The following TBC1D4 variants were observed in gnomAD, a reference collection of about 807,000 sequenced individuals.
TBC1D4 encodes the protein TBC (Tre-2, BUB2, CDC16) domain-containing protein.
In TBC1D4, 121 loss-of-function variants were observed where a neutral mutation model predicts 142.5. The observed-to-expected ratio is 0.85, with a 90% CI of 0.73 to 0.99. The LOEUF (loss-of-function observed/expected upper bound fraction) is 0.99, where lower values mean the gene tolerates loss of function less well. Among genes scored for constraint, TBC1D4 ranks in the 50% least tolerant of loss-of-function variants. The pLI, the probability that TBC1D4 is intolerant of heterozygous loss-of-function variation, is 0.00. For synonymous variants in TBC1D4, 630 were observed against 628.2 expected (o/e 1.00, Z -0.04); for missense variants, 1,475 against 1,606.6 (o/e 0.92, Z 1.40).
At chr13:75,298,017 T>C (rs537260449) in intron 17 of TBC1D4, among the ~76,000 whole-genome samples, 4 of 152,296 alleles carry the variant, frequency 2.6e-5, no homozygotes, top group Admixed American at 2.6e-4. Flanking sequence ...TATCATTTAC[T>C]ATAACGCTCA....
At chr13:75,480,314 T>C (rs1888784417) in intron 1 of TBC1D4, among the ~76,000 whole-genome samples, 1 of 152,224 alleles carries the variant, frequency 6.6e-6, no homozygotes, top group Admixed American at 6.5e-5. Context: ...CCTAAAGTAC[T>C]GTGCAAACAG....
chr13:75,437,839 G>C (rs1436336112), intron 1 of TBC1D4, among the ~76,000 whole-genome samples: 1 of 152,148 alleles, frequency 6.6e-6, no homozygotes, highest in Non-Finnish European at 1.5e-5. Context: ...TGTTCACTGT[G>C]AACTATTTGA....
At chr13:75,361,987 C>T (rs1227135674) in intron 2 of TBC1D4, 39 bp downstream of exon 2, 1 of 1,612,746 alleles carries the variant, frequency 6.2e-7, no homozygotes, top group Non-Finnish European at 8.5e-7. Flanking sequence ...CATCTGGCAC[C>T]TTTTGGGGCA....
At chr13:75,317,110 C>T (rs1195070173) in intron 12 of TBC1D4, among the ~76,000 whole-genome samples, 1 of 152,124 alleles carries the variant, frequency 6.6e-6, no homozygotes, top group Non-Finnish European at 1.5e-5. Context: ...CACAGTCACA[C>T]GGATAATAAA....
At chr13:75,305,556 A>G (rs937757840) in intron 15 of TBC1D4, among the ~76,000 whole-genome samples, 3 of 152,218 alleles carry the variant, frequency 2.0e-5, no homozygotes, top group Non-Finnish European at 4.4e-5. Flanking sequence ...TCAAAATAAC[A>G]CTTATCTTAA....
chr13:75,423,507 G>C (rs1746302437), intron 1 of TBC1D4, among the ~76,000 whole-genome samples: 1 of 152,116 alleles, frequency 6.6e-6, no homozygotes, highest in Non-Finnish European at 1.5e-5. Flanking sequence ...GGGGGAGAGG[G>C]AGTAAAAGGA....
At chr13:75,474,083 G>A (rs1016492766) in intron 1 of TBC1D4, among the ~76,000 whole-genome samples, 1 of 152,140 alleles carries the variant, frequency 6.6e-6, no homozygotes, top group Non-Finnish European at 1.5e-5. Context: ...CCCTTAAAAT[G>A]GAAAGTACAT....
intron 5 of TBC1D4, among the ~76,000 whole-genome samples, chr13:75,344,526 T>C (rs1366143163): frequency 6.6e-6 from 1 of 152,118 alleles, no homozygotes; most frequent in Non-Finnish European, 1.5e-5. Context: ...TTATCCACTA[T>C]GCATGTTAAT....
intron 1 of TBC1D4, among the ~76,000 whole-genome samples, chr13:75,430,521 T>C (rs1886554037): frequency 6.6e-6 from 1 of 152,212 alleles, no homozygotes. Context: ...TACCGGAATT[T>C]ATAAAGCAGA....
chr13:75,452,283 T>C (rs1192104468), intron 1 of TBC1D4, among the ~76,000 whole-genome samples: 1 of 152,186 alleles, frequency 6.6e-6, no homozygotes, highest in Non-Finnish European at 1.5e-5. Flanking sequence ...CCATAGTAAA[T>C]AAAGATACTA....
intron 1 of TBC1D4, among the ~76,000 whole-genome samples, chr13:75,435,763 T>C (rs1369055967): frequency 1.3e-5 from 2 of 152,182 alleles, no homozygotes; most frequent in Non-Finnish European, 2.9e-5. Context: ...AAAATAAGTC[T>C]GAAATCCATT....
intron 1 of TBC1D4, among the ~76,000 whole-genome samples, chr13:75,419,535 A>G (rs7997973): frequency 1.3e-5 from 2 of 152,220 alleles, no homozygotes; most frequent in Non-Finnish European, 2.9e-5. Flanking sequence ...AAATCATGTT[A>G]AAGGGGGATA....
At position 75,320,001 on chromosome 13, in the gene TBC1D4, G is replaced by C. The variant is rs1220493823; in HGVS notation, c.2222+13C>G. ...AATTTTTTTTAAATAAAAATACGTA[G>C]ACCTCTAATCACCTTGATTCTGAAG... On this transcript the variant is annotated intron_variant, in intron 12 of 20. Coordinates refer to ENST00000377636, the MANE Select transcript of TBC1D4 (RefSeq NM_014832.5). 2 of 1,612,218 alleles carry C rather than the reference G, an allele frequency of 1.2e-6. No individual in the cohort carries two copies. The highest frequency in any genetic ancestry group is 3.3e-5 in the Admixed American group (2 of 59,996).
At chr13:75,419,327 G>A (rs1279174350) in intron 1 of TBC1D4, among the ~76,000 whole-genome samples, 1 of 152,104 alleles carries the variant, frequency 6.6e-6, no homozygotes, top group East Asian at 1.9e-4. Flanking sequence ...GAGGAAAAAG[G>A]AGCTGTTGAA....
At chr13:75,438,597 A>G (rs1031991425) in intron 1 of TBC1D4, among the ~76,000 whole-genome samples, 2 of 152,382 alleles carry the variant, frequency 1.3e-5, no homozygotes, top group Admixed American at 6.5e-5. Flanking sequence ...ATGCAAGGCC[A>G]TAACACACTG....
intron 1 of TBC1D4, among the ~76,000 whole-genome samples, chr13:75,371,339 T>C (rs1475733800): frequency 6.6e-6 from 1 of 152,108 alleles, no homozygotes; most frequent in African/African-American, 2.4e-5. Context: ...CAGGGCAGAA[T>C]TGCTGGAGCA....
intron 1 of TBC1D4, among the ~76,000 whole-genome samples, chr13:75,460,805 C>G (rs942480009): frequency 6.6e-6 from 1 of 152,044 alleles, no homozygotes; most frequent in Non-Finnish European, 1.5e-5. Context: ...TGTCCATAGT[C>G]CCAGCTACTA....
At chr13:75,437,942 C>CTT (rs1886868017) in intron 1 of TBC1D4, among the ~76,000 whole-genome samples, 1 of 152,140 alleles carries the variant, frequency 6.6e-6, no homozygotes, top group Admixed American at 6.6e-5. Flanking sequence ...TTTTAAAATC[C>CTT]TTTAGATCTG....
chr13:75,391,548 C>T (rs565858480), intron 1 of TBC1D4, among the ~76,000 whole-genome samples: 72 of 152,312 alleles, frequency 4.7e-4, no homozygotes, highest in African/African-American at 1.6e-3. Context: ...ACTTGGCTAC[C>T]AGGACACTTC....
Sources: gnomAD v4.1 joint callset for allele counts (sites outside exome capture counted in the v4.1 genomes callset) on GRCh38, gnomAD v4.1.1 for gene constraint, MANE v1.5 for transcripts, NCBI Gene and HGNC (gene_info 2026-07-23, HGNC 2026-07-21) for gene names.